CLCN5: variants seen among roughly 807,000 people sequenced by gnomAD.
CLCN5 encodes H(+)/Cl(-) exchange transporter 5.
CLCN5 carries 17 observed loss-of-function variants against 54.0 expected under a neutral mutation model. That is an observed-to-expected ratio of 0.31 (90% CI 0.22 to 0.47). CLCN5 has a LOEUF of 0.47. Among genes scored for constraint, CLCN5 ranks in the 20% least tolerant of loss-of-function variants. The pLI, the probability that CLCN5 is intolerant of heterozygous loss-of-function variation, is 1.00. For missense variants in CLCN5, 448 were observed against 646.7 expected (o/e 0.69, Z 3.33); for synonymous variants, 222 against 233.0 (o/e 0.95, Z 0.43).
intron 4 of CLCN5, among the ~76,000 whole-genome samples, chrX:50,062,212 C>G (rs1932866344): frequency 1.2e-5 from 1 of 83,109 alleles, no homozygotes; most frequent in Non-Finnish European, 2.3e-5. Context: ...CACAGACTGG[C>G]AAGTTGGATA....
chrX:50,070,246 C>T lies in CLCN5; in HGVS notation c.315+216C>T, dbSNP rs570370370. On this transcript the variant is annotated intron_variant, in intron 5 of 14. Transcript: ENST00000376091. ...TAAGTTCTAGGGTACATGTGCACAA[C>T]GTGCAGGTTTGTTACATATGTATAC... is the stretch of plus-strand genomic sequence containing the variant. Among the ~76,000 whole-genome samples the T allele has an allele frequency of 1.1e-4, 12 of 112,310 alleles. No individual in the cohort carries two copies. The South Asian group carries it at 1.1e-3, about 10-fold the overall frequency.
Position 50,086,570 on chromosome X carries a change from C to T in CLCN5, c.1257C>T (p.Thr419=), listed in dbSNP as rs144901347. ...TTGCCTGGTGTCGGAAGCGAAAGACCACCCAGTTGGGCAAGTATCCTGTTA... is the reference window on the plus strand; with the variant it reads ...TTGCCTGGTGTCGGAAGCGAAAGACTACCCAGTTGGGCAAGTATCCTGTTA... The part of the protein sequence containing the change: ...TNIAWCRKRK[T]TQLGKYPVIE... Residue 419 remains threonine (T), a synonymous_variant, in exon 11 of 15, where the codon ACC becomes ACT. Coordinates refer to ENST00000376091, the MANE Select transcript of CLCN5 (RefSeq NM_001127898.4). 5.6e-4 allele frequency: 682 copies of T among 1,208,665 alleles called. 4 individuals carry two copies. The African/African-American group carries it at 0.011, about 19-fold the overall frequency.
chrX:49,942,835 T>C (rs1002562618), intron 3 of CLCN5, among the ~76,000 whole-genome samples: 1 of 109,378 alleles, frequency 9.1e-6, no homozygotes, highest in Non-Finnish European at 1.9e-5. Flanking sequence ...TCCAAGTCTT[T>C]GCTATTGTGA....
chrX:50,025,485 G>A (rs781870244), intron 3 of CLCN5, among the ~76,000 whole-genome samples: 66 of 109,992 alleles, frequency 6.0e-4, no homozygotes, highest in African/African-American at 2.1e-3. Flanking sequence ...GTTCCTATTC[G>A]GCCATCTTGG....
chrX:50,068,819 GA>G (rs782684691), intron 4 of CLCN5, among the ~76,000 whole-genome samples: 139 of 111,601 alleles, frequency 1.2e-3, no homozygotes, highest in Non-Finnish European at 2.2e-3. Flanking sequence ...TTGGCTGGGT[GA>G]ATTAAATGAT....
At chrX:50,001,277 A>G (rs1418504961) in intron 3 of CLCN5, among the ~76,000 whole-genome samples, 1 of 110,957 alleles carries the variant, frequency 9.0e-6, no homozygotes, top group African/African-American at 3.3e-5. Context: ...GAGTGTTTGT[A>G]CCAATATCTA....
At chrX:49,925,871 G>A (rs1925311166) in intron 3 of CLCN5, among the ~76,000 whole-genome samples, 1 of 112,608 alleles carries the variant, frequency 8.9e-6, no homozygotes, top group Admixed American at 9.4e-5. Flanking sequence ...CTTAGCTGAT[G>A]TATTACATCT....
chrX:50,031,125 A>C (rs939574105), intron 3 of CLCN5, among the ~76,000 whole-genome samples: 1 of 111,981 alleles, frequency 8.9e-6, no homozygotes, highest in Non-Finnish European at 1.9e-5. Context: ...TGATTAGCTA[A>C]GGGAACATAG....
At chrX:49,974,755 G>A (rs781881016) in intron 3 of CLCN5, among the ~76,000 whole-genome samples, 6 of 111,684 alleles carry the variant, frequency 5.4e-5, no homozygotes, top group Admixed American at 9.5e-5. Context: ...AGGTGTGAAG[G>A]GAGAAAACGA....
intron 9 of CLCN5, among the ~76,000 whole-genome samples, chrX:50,084,422 G>C (rs1298418167): frequency 2.7e-5 from 3 of 109,634 alleles, no homozygotes; most frequent in Non-Finnish European, 3.8e-5. Flanking sequence ...CAGTCTTTTG[G>C]CCAGGCTAGA....
intron 3 of CLCN5, among the ~76,000 whole-genome samples, chrX:49,990,974 C>T (rs1160854537): frequency 1.8e-5 from 2 of 112,477 alleles, no homozygotes; most frequent in Non-Finnish European, 3.8e-5. Context: ...GGCATTTGGG[C>T]TGGTTCCATA....
rs991099694 is a variant in CLCN5, at chrX:49,989,246, T to A, written c.17-53070T>A. Among the ~76,000 whole-genome samples the A allele has an allele frequency of 5.4e-5, 6 of 110,483 alleles. No individual in the cohort carries two copies. In the East Asian group the frequency reaches 1.7e-3, roughly 32 times the overall value. ...CACCACCACATGTGGCTAATTTTTT[T>A]AAAAACATGTTCGTAGGGACGGGGC... On this transcript the variant is annotated intron_variant, in intron 3 of 14. Transcript: ENST00000376091.
intron 3 of CLCN5, among the ~76,000 whole-genome samples, chrX:49,976,786 A>G (rs1928505225): frequency 9.0e-6 from 1 of 111,679 alleles, no homozygotes; most frequent in African/African-American, 3.3e-5. Context: ...AGGTTACGAC[A>G]GCAGGAGACA....
chrX:49,994,538 G>A (rs1344338985), intron 3 of CLCN5, among the ~76,000 whole-genome samples: 1 of 103,793 alleles, frequency 9.6e-6, no homozygotes, highest in African/African-American at 4.2e-5. Context: ...GAGGAGAGTA[G>A]GAAGTTAAAA....
At position 49,951,247 on chromosome X, in the gene CLCN5, A is replaced by G. The variant is rs1439959855; in HGVS notation, c.16+25933A>G. On this transcript the variant is annotated intron_variant, in intron 3 of 14. Transcript: ENST00000376091. ...GACAGCACTGCTCTAGAGGTGGGTG[A>G]TATCTCATCCTTATATCATGTACAT... is the stretch of plus-strand genomic sequence containing the variant. Among the ~76,000 whole-genome samples the G allele has an allele frequency of 3.6e-5, 4 of 112,214 alleles. No individual in the cohort carries two copies. The Admixed American group carries it at 3.8e-4, about 11-fold the overall frequency.
chrX:50,091,877 G>A (rs1338438220), intron 14 of CLCN5, among the ~76,000 whole-genome samples: 1 of 111,902 alleles, frequency 8.9e-6, no homozygotes, highest in Admixed American at 9.5e-5. Context: ...GATATGTAGC[G>A]AAGAGTATTT....
chrX:49,950,918 T>C (rs782251736), intron 3 of CLCN5, among the ~76,000 whole-genome samples: 1 of 111,637 alleles, frequency 9.0e-6, no homozygotes, highest in South Asian at 3.7e-4. Flanking sequence ...TAAAAATGTA[T>C]AGTTAAATTA....
chrX:50,014,971 C>T (rs1042682143), intron 3 of CLCN5, among the ~76,000 whole-genome samples: 6 of 111,733 alleles, frequency 5.4e-5, no homozygotes, highest in African/African-American at 2.0e-4. Context: ...TCCCTCACTT[C>T]CTTCCAACCT....
At chrX:50,018,063 G>A (rs1557183826) in intron 3 of CLCN5, among the ~76,000 whole-genome samples, 2 of 111,697 alleles carry the variant, frequency 1.8e-5, no homozygotes, top group African/African-American at 6.5e-5. Context: ...ATCAAGTTGG[G>A]AAAAACTTAC....
Sources: gnomAD v4.1 joint callset for allele counts (sites outside exome capture counted in the v4.1 genomes callset) on GRCh38, gnomAD v4.1.1 for gene constraint, MANE v1.5 for transcripts, NCBI Gene and HGNC (gene_info 2026-07-23, HGNC 2026-07-21) for gene names.